Variants in ENOX1 observed in about 807,000 individuals in gnomAD.
The protein encoded by ENOX1 is candidate growth-related and time keeping constitutive hydroquinone (NADH) oxidase.
ENOX1 carries 42 observed loss-of-function variants against 82.5 expected under a neutral mutation model. The ratio of observed to expected loss-of-function variants is 0.51; its 90% CI spans 0.40 to 0.66. The LOEUF is 0.66. Ranked by LOEUF, ENOX1 falls within the 30% of genes least tolerant of loss-of-function variation. ENOX1 has a pLI of 0.00. For missense variants in ENOX1, 608 were observed against 811.6 expected, an observed-to-expected ratio of 0.75 and a Z score of 3.05; for synonymous variants, 271 against 282.2, an observed-to-expected ratio of 0.96 and a Z score of 0.40.
chr13:43,217,556 C>G (rs1162278003), intron 16 of ENOX1, among the ~76,000 whole-genome samples: 1 of 152,152 alleles, frequency 6.6e-6, no homozygotes, highest in Non-Finnish European at 1.5e-5. Context: ...AGAGTAAATT[C>G]TTCACCAGCA....
chr13:43,749,444 G>A (rs886201965), intron 1 of ENOX1, among the ~76,000 whole-genome samples: 10 of 152,312 alleles, frequency 6.6e-5, no homozygotes, highest in African/African-American at 2.2e-4. Context: ...TTTTACCTTT[G>A]AACAGGTACA....
chr13:43,434,937 G>GTTTTTTTTTTTT (rs537775258), intron 3 of ENOX1, among the ~76,000 whole-genome samples: 44 of 75,878 alleles, frequency 5.8e-4, no homozygotes, highest in African/African-American at 8.5e-4. Context: ...TGTGTGTGTG[G>GTTTTTTTTTTTT]TTTTTTTTTT....
At chr13:43,372,124 C>T (rs1410509765) in intron 5 of ENOX1, among the ~76,000 whole-genome samples, 3 of 152,110 alleles carry the variant, frequency 2.0e-5, no homozygotes, top group Non-Finnish European at 2.9e-5. Context: ...GTTGTTGAGT[C>T]CACAATGTCA....
intron 2 of ENOX1, among the ~76,000 whole-genome samples, chr13:43,660,424 G>C (rs967066634): frequency 1.3e-5 from 2 of 152,140 alleles, no homozygotes; most frequent in Non-Finnish European, 2.9e-5. Context: ...TTGAAATGGG[G>C]ATTACTCTTT....
intron 2 of ENOX1, among the ~76,000 whole-genome samples, chr13:43,624,209 C>T (rs1310721666): frequency 6.6e-6 from 1 of 152,022 alleles, no homozygotes; most frequent in Non-Finnish European, 1.5e-5. Context: ...GGCTTATTGG[C>T]CATCTCTATA....
At chr13:43,598,050 C>T (rs530846322) in intron 2 of ENOX1, among the ~76,000 whole-genome samples, 11 of 152,270 alleles carry the variant, frequency 7.2e-5, no homozygotes, top group Admixed American at 4.6e-4. Flanking sequence ...CTGACATACA[C>T]TTTACATGTT....
intron 2 of ENOX1, among the ~76,000 whole-genome samples, chr13:43,587,944 C>T (rs1321338391): frequency 6.9e-5 from 2 of 28,804 alleles, no homozygotes; most frequent in Admixed American, 5.7e-4. Context: ...ATTCTCTTTG[C>T]ATTTTCCAAA....
intron 1 of ENOX1, among the ~76,000 whole-genome samples, chr13:43,769,030 AG>A (rs1392250874): frequency 2.6e-5 from 4 of 152,234 alleles, no homozygotes; most frequent in Non-Finnish European, 4.4e-5. Flanking sequence ...TGAGGAGAGA[AG>A]AAGCAACATG....
intron 5 of ENOX1, among the ~76,000 whole-genome samples, chr13:43,366,072 T>C (rs939998985): frequency 1.3e-5 from 2 of 152,230 alleles, no homozygotes; most frequent in Non-Finnish European, 2.9e-5. Flanking sequence ...TTTTCAGAAG[T>C]CTCCTATTGC....
chr13:43,556,824 AT>A (rs1176079007), intron 2 of ENOX1, among the ~76,000 whole-genome samples: 1 of 152,190 alleles, frequency 6.6e-6, no homozygotes, highest in African/African-American at 2.4e-5. Context: ...ATAAAAGCTG[AT>A]TGTCACAAGT....
At position 43,568,688 on chromosome 13, in the gene ENOX1, G is replaced by GTTT. The variant is rs5803188; in HGVS notation, c.-218-84539_-218-84537dup. 4.1e-3 allele frequency among the ~76,000 whole-genome samples: 606 copies of GTTT among 147,486 alleles called. 2 individuals are homozygous for GTTT. The highest frequency in any genetic ancestry group is 9.9e-3 in the South Asian group (46 of 4,632). The stretch of plus-strand genomic sequence containing the variant: ...CTAGAGCGGGTCCTACAACTCCAGA[G>GTTT]TTTTTTTTTTTTTCTGGGTCTGCCA... On this transcript the variant is annotated intron_variant, in intron 2 of 16. Coordinates refer to ENST00000690772, the MANE Select transcript of ENOX1 (RefSeq NM_001347969.2).
chr13:43,384,282 C>T (rs915372710), intron 5 of ENOX1, among the ~76,000 whole-genome samples: 3 of 152,206 alleles, frequency 2.0e-5, no homozygotes, highest in African/African-American at 7.2e-5. Flanking sequence ...TAAGCTGCCT[C>T]CTTATGGCAA....
intron 2 of ENOX1, 61 bp from the exon 3 acceptor site, chr13:43,484,213 G>T (rs1392435213): frequency 1.9e-5 from 17 of 897,280 alleles, no homozygotes; most frequent in Non-Finnish European, 2.3e-5. Context: ...TGCCTGTAAT[G>T]GTATTATTAT....
At chr13:43,285,261 C>G (rs1327973035) in intron 12 of ENOX1, among the ~76,000 whole-genome samples, 1 of 152,024 alleles carries the variant, frequency 6.6e-6, no homozygotes, top group Admixed American at 6.6e-5. Context: ...TTTGGCTGTT[C>G]TATTGGCCAG....
intron 5 of ENOX1, among the ~76,000 whole-genome samples, chr13:43,395,763 G>A (rs1375948821): frequency 1.3e-5 from 2 of 152,190 alleles, no homozygotes; most frequent in Non-Finnish European, 2.9e-5. Flanking sequence ...CCAGCAGGAA[G>A]CTGTTTAAAG....
chr13:43,265,821 C>T (rs1196466803), intron 13 of ENOX1, among the ~76,000 whole-genome samples: 2 of 152,158 alleles, frequency 1.3e-5, no homozygotes, highest in Admixed American at 1.3e-4. Flanking sequence ...AAGTTGCCAC[C>T]AGCAAAATGA....
At chr13:43,491,806 C>A (rs1360715973) in intron 2 of ENOX1, among the ~76,000 whole-genome samples, 1 of 152,020 alleles carries the variant, frequency 6.6e-6, no homozygotes, top group Admixed American at 6.6e-5. Context: ...TGAGATAATT[C>A]TTAAAATGTA....
chr13:43,595,812 C>T (rs1373407707), intron 2 of ENOX1, among the ~76,000 whole-genome samples: 1 of 152,200 alleles, frequency 6.6e-6, no homozygotes. Context: ...TCAGGAGCTA[C>T]TTGCAAATTA....
intron 5 of ENOX1, among the ~76,000 whole-genome samples, chr13:43,384,596 C>A (rs1323620): frequency 2.0e-5 from 3 of 152,114 alleles, no homozygotes; most frequent in African/African-American, 7.3e-5. Context: ...ATAGAACTAC[C>A]TGGCTCTTAG....
Sources: allele counts gnomAD v4.1 joint callset (sites outside exome capture counted in the v4.1 genomes callset), GRCh38; gene constraint gnomAD v4.1.1; transcripts MANE v1.5; gene names NCBI Gene and HGNC (gene_info 2026-07-23, HGNC 2026-07-21).